CSMD3: variants seen among roughly 807,000 people sequenced by gnomAD.
CSMD3 encodes CUB and sushi domain-containing protein 3.
In CSMD3, 177 loss-of-function variants were observed where a neutral mutation model predicts 435.2. That is an observed-to-expected ratio of 0.41 (90% CI 0.36 to 0.46). The LOEUF (loss-of-function observed/expected upper bound fraction) is 0.46. Among genes scored for constraint, CSMD3 ranks in the 20% least tolerant of loss-of-function variants. The pLI is 0.34. For missense variants in CSMD3, 4,265 were observed against 4,504.6 expected, an observed-to-expected ratio of 0.95 and a Z score of 1.52; for synonymous variants, 1,656 against 1,520.5, an observed-to-expected ratio of 1.09 and a Z score of -2.07.
chr8:113,380,748 C>T (rs922300152), intron 1 of CSMD3, among the ~76,000 whole-genome samples: 2 of 152,124 alleles, frequency 1.3e-5, no homozygotes, highest in Admixed American at 6.6e-5. Context: ...TATGTCGTCA[C>T]CAAATGAAGG....
intron 2 of CSMD3, among the ~76,000 whole-genome samples, chr8:113,290,604 T>C (rs1013658815): frequency 2.0e-5 from 3 of 151,678 alleles, no homozygotes; most frequent in Non-Finnish European, 3.0e-5. Flanking sequence ...CACCTCAAAA[T>C]ATTATTTCTA....
intron 13 of CSMD3, among the ~76,000 whole-genome samples, chr8:112,710,900 A>G (rs1211863350): frequency 6.6e-6 from 1 of 151,494 alleles, no homozygotes; most frequent in Non-Finnish European, 1.5e-5. Flanking sequence ...TACTCCTGCC[A>G]TTTGCTGCTC....
At chr8:112,410,495 A>AAT (rs4029455) in intron 32 of CSMD3, among the ~76,000 whole-genome samples, 17,283 of 122,554 alleles carry the variant, frequency 0.14, 1,450 homozygotes, top group Non-Finnish European at 0.19. Context: ...AAATACTCCA[A>AAT]ATATATATAT....
intron 10 of CSMD3, among the ~76,000 whole-genome samples, chr8:112,908,574 G>C (rs1587642680): frequency 6.6e-6 from 1 of 151,506 alleles, no homozygotes; most frequent in Admixed American, 6.6e-5. Context: ...AACTTCATCA[G>C]ACAATTTTGC....
At chr8:112,853,456 C>T (rs2080554123) in intron 11 of CSMD3, among the ~76,000 whole-genome samples, 1 of 152,142 alleles carries the variant, frequency 6.6e-6, no homozygotes, top group Non-Finnish European at 1.5e-5. Context: ...AAACTCCTGA[C>T]CTCAGGTGAT....
intron 45 of CSMD3, among the ~76,000 whole-genome samples, chr8:112,328,470 A>G (rs1269457062): frequency 2.6e-5 from 4 of 152,186 alleles, no homozygotes; most frequent in Non-Finnish European, 5.9e-5. Context: ...CTAATATTTT[A>G]TATTCAGTTT....
intron 7 of CSMD3, among the ~76,000 whole-genome samples, chr8:112,967,447 A>C (rs1026592042): frequency 5.9e-5 from 9 of 151,820 alleles, no homozygotes; most frequent in Non-Finnish European, 1.3e-4. Context: ...AAGAATTAGT[A>C]GGTTTTATTT....
intron 29 of CSMD3, among the ~76,000 whole-genome samples, chr8:112,506,032 G>A (rs1822469108): frequency 6.6e-6 from 1 of 151,878 alleles, no homozygotes; most frequent in Non-Finnish European, 1.5e-5. Flanking sequence ...GAGAAAATGG[G>A]GATAGTAATA....
chr8:113,252,522 T>C (rs879096907), intron 3 of CSMD3, among the ~76,000 whole-genome samples: 2 of 152,126 alleles, frequency 1.3e-5, no homozygotes, highest in Admixed American at 1.3e-4. Context: ...TTCTTTCTGA[T>C]ACAGATAGGA....
chr8:112,605,740 A>C (rs566701778), intron 22 of CSMD3, among the ~76,000 whole-genome samples: 6 of 152,266 alleles, frequency 3.9e-5, no homozygotes, highest in African/African-American at 1.4e-4. Context: ...ATGACATGCA[A>C]TTTACTCATG....
intron 10 of CSMD3, among the ~76,000 whole-genome samples, chr8:112,889,875 G>A (rs553989435): frequency 1.3e-5 from 2 of 151,654 alleles, no homozygotes; most frequent in South Asian, 4.1e-4. Flanking sequence ...GTTGTCAGGA[G>A]AGAAATCCTG....
intron 35 of CSMD3, among the ~76,000 whole-genome samples, chr8:112,401,568 T>C (rs1831346902): frequency 6.6e-6 from 1 of 152,162 alleles, no homozygotes; most frequent in Admixed American, 6.5e-5. Flanking sequence ...TTTAACTTTG[T>C]TTTTATTTTA....
intron 4 of CSMD3, among the ~76,000 whole-genome samples, chr8:113,125,248 G>A (rs1461762122): frequency 6.6e-6 from 1 of 151,898 alleles, no homozygotes; most frequent in East Asian, 1.9e-4. Flanking sequence ...AAGTAGAAGT[G>A]GACTGGGCCC....
At chr8:113,081,252 T>A (rs2089551862) in intron 5 of CSMD3, among the ~76,000 whole-genome samples, 1 of 152,198 alleles carries the variant, frequency 6.6e-6, no homozygotes, top group Non-Finnish European at 1.5e-5. Context: ...AATCAAGGTT[T>A]CTACAGATCC....
chr8:112,392,864 C>CTTTTT (rs56809581), intron 35 of CSMD3, among the ~76,000 whole-genome samples: 3 of 122,168 alleles, frequency 2.5e-5, no homozygotes, highest in Non-Finnish European at 3.4e-5. Context: ...TCTTTTTTTT[C>CTTTTT]TTTTTTTTTT....
chr8:113,302,194 G>A (rs541036853), intron 2 of CSMD3, among the ~76,000 whole-genome samples: 1 of 141,304 alleles, frequency 7.1e-6, no homozygotes, highest in Admixed American at 7.4e-5. Flanking sequence ...CAATACTTTT[G>A]AGATTTTATT....
Position 113,106,442 on chromosome 8 carries a change from A to T in CSMD3, c.710-7479T>A, listed in dbSNP as rs76538709. Among the ~76,000 whole-genome samples, 1,190 of 152,318 alleles carry T rather than the reference A, an allele frequency of 7.8e-3. 14 individuals carry two copies. Among genetic ancestry groups the T allele is most frequent in the African/African-American group, 0.027 (1,115 of 41,578 alleles). On this transcript the variant is annotated intron_variant, in intron 4 of 70. Transcript: ENST00000297405. ...AGAATGCAGCTAAGAGAAAAGCAAG[A>T]TTTCTTTTTAAAGAACAGATATCCC... is the stretch of plus-strand genomic sequence containing the variant.
At chr8:112,386,062 T>G (rs1317144166) in intron 36 of CSMD3, among the ~76,000 whole-genome samples, 2 of 152,014 alleles carry the variant, frequency 1.3e-5, no homozygotes, top group Non-Finnish European at 2.9e-5. Flanking sequence ...AGGCAGAAAT[T>G]GGAGTGATGT....
chr8:112,900,828 A>C (rs957353456), intron 10 of CSMD3, among the ~76,000 whole-genome samples: 5 of 151,368 alleles, frequency 3.3e-5, no homozygotes, highest in Admixed American at 2.6e-4. Flanking sequence ...ATGGTCAACC[A>C]GGCAATAAAT....
Sources: allele counts gnomAD v4.1 joint callset (sites outside exome capture counted in the v4.1 genomes callset), GRCh38; gene constraint gnomAD v4.1.1; transcripts MANE v1.5; gene names NCBI Gene and HGNC (gene_info 2026-07-23, HGNC 2026-07-21).